The following SLC28A3 variants were observed in gnomAD, a reference collection of about 807,000 sequenced individuals.
The protein encoded by SLC28A3 is concentrative Na(+)-nucleoside cotransporter 3.
A neutral mutation model predicts 84.2 loss-of-function variants in SLC28A3; 68 were observed. That is an observed-to-expected ratio of 0.81 (90% CI 0.66 to 0.99). The LOEUF (loss-of-function observed/expected upper bound fraction) is 0.99. Ranked by LOEUF, SLC28A3 falls within the 50% of genes least tolerant of loss-of-function variation. SLC28A3 has a pLI of 0.00. For missense variants in SLC28A3, 712 were observed against 841.5 expected, an observed-to-expected ratio of 0.85 and a Z score of 1.90; for synonymous variants, 267 against 303.6, an observed-to-expected ratio of 0.88 and a Z score of 1.25.
intron 3 of SLC28A3, among the ~76,000 whole-genome samples, chr9:84,309,037 A>G (rs1461876904): frequency 6.6e-6 from 1 of 152,176 alleles, no homozygotes; most frequent in Non-Finnish European, 1.5e-5. Flanking sequence ...TTATTTGGTA[A>G]TTTACACTTT....
In SLC28A3 at chr9:84,278,151, T is replaced by G; in HGVS notation, c.*67A>C. 6.5e-7 allele frequency: 1 copy of G among 1,542,204 alleles called. No individual in the cohort carries two copies. The highest frequency in any genetic ancestry group is 8.7e-7 in the Non-Finnish European group (1 of 1,144,232). On this transcript the variant is annotated 3_prime_UTR_variant, in exon 18 of 18. Coordinates refer to ENST00000376238, the MANE Select transcript of SLC28A3 (RefSeq NM_001199633.2). ...CAATCTGTGGACAATAGCTTCTTTT[T>G]TTTTTCTTTCCAAAGCAGAAAATTC...
chr9:84,335,398 C>A (rs541459138), intron 1 of SLC28A3, among the ~76,000 whole-genome samples: 3 of 152,084 alleles, frequency 2.0e-5, no homozygotes, highest in African/African-American at 7.2e-5. Context: ...AATAAAAAAA[C>A]TTAGCCAGTT....
intron 16 of SLC28A3, 62 bp downstream of exon 16, chr9:84,279,913 C>T: frequency 6.5e-7 from 1 of 1,528,574 alleles, no homozygotes; most frequent in Non-Finnish European, 9.0e-7. Context: ...GGAGGCACTG[C>T]CTGTCCTGAA....
At chr9:84,319,469 A>C (rs1826289297) in intron 1 of SLC28A3, among the ~76,000 whole-genome samples, 1 of 152,166 alleles carries the variant, frequency 6.6e-6, no homozygotes, top group Non-Finnish European at 1.5e-5. Flanking sequence ...GTTTGAGACC[A>C]GGTTGAGCAA....
chr9:84,326,055 TTGTGCTTTTGTC>T (rs1826537573), intron 1 of SLC28A3, among the ~76,000 whole-genome samples: 1 of 152,140 alleles, frequency 6.6e-6, no homozygotes, highest in South Asian at 2.1e-4. Flanking sequence ...GGAAATCGTG[TTGTGCTTTTGTC>T]TGCATGTATC....
At chr9:84,298,043 T>C (rs373909553) in intron 6 of SLC28A3, 24 bp from the exon 7 acceptor site, 1 of 1,580,796 alleles carries the variant, frequency 6.3e-7, no homozygotes, top group Non-Finnish European at 8.6e-7. Context: ...TCAAGTGATA[T>C]GTCTTAGTAG....
In SLC28A3 at chr9:84,313,305, T is replaced by C. The variant is rs1826053041; in HGVS notation, c.156+54A>G. 4.6e-6 allele frequency: 7 copies of C among 1,512,638 alleles called. 1 individual carries two copies. The South Asian group carries it at 5.8e-5, about 12-fold the overall frequency. The allele number at this position is 1,512,638 out of a possible 1,614,324, so 93.7% of individuals were successfully genotyped here. ...TCTGTGCCCACTGTTCTCAGGTGCC[T>C]GTTGCGCAGCGGCTGCCATGGTACT... is the stretch of plus-strand genomic sequence containing the variant. On this transcript the variant is annotated intron_variant, in intron 2 of 17. Coordinates refer to ENST00000376238, the MANE Select transcript of SLC28A3 (RefSeq NM_001199633.2).
At chr9:84,297,336 A>G (rs1357766829) in intron 7 of SLC28A3, 38 bp from the exon 8 acceptor site, 1 of 1,531,380 alleles carries the variant, frequency 6.5e-7, no homozygotes, top group Non-Finnish European at 9.0e-7. Context: ...CATTCCAACC[A>G]CATGACTGGA....
At chr9:84,309,591 A>C in intron 3 of SLC28A3, 38 bp downstream of exon 3, 1 of 1,235,948 alleles carries the variant, frequency 8.1e-7, no homozygotes, top group Non-Finnish European at 1.2e-6. Context: ...ACCAAACGGG[A>C]GGTAGGCTTG....
chr9:84,297,374 C>T lies in SLC28A3; in HGVS notation c.784-76G>A, dbSNP rs150758325. 318 of 1,207,902 alleles carry T rather than the reference C, an allele frequency of 2.6e-4. 3 individuals carry two copies. The East Asian group carries it at 7.2e-3, about 27-fold the overall frequency. The allele number at this position is 1,207,902 out of a possible 1,614,324, so 74.8% of individuals were successfully genotyped here. Reference sequence around the variant, plus strand: ...TTAGACAGTGCACAGGAATGCTAGGCTCTCAGAGGACGGACCCAGCAAATG... The same window carrying T: ...TTAGACAGTGCACAGGAATGCTAGGTTCTCAGAGGACGGACCCAGCAAATG... On this transcript the variant is annotated intron_variant, in intron 7 of 17. Coordinates refer to ENST00000376238, the MANE Select transcript of SLC28A3 (RefSeq NM_001199633.2).
At chr9:84,368,385 T>C in the SLC28A3 span, among the ~76,000 whole-genome samples, 2 of 152,286 alleles carry the variant, frequency 1.3e-5, no homozygotes, top group Non-Finnish European at 2.9e-5. Context: ...TTCTTATGTC[T>C]TTCTTTTACT....
chr9:84,332,687 T>A (rs1226336336), intron 1 of SLC28A3, among the ~76,000 whole-genome samples: 5 of 152,160 alleles, frequency 3.3e-5, no homozygotes, highest in Non-Finnish European at 7.3e-5. Flanking sequence ...ATCTATTTCT[T>A]TAATAAAAAC....
chr9:84,357,647 C>T, the SLC28A3 span, among the ~76,000 whole-genome samples: 1 of 152,018 alleles, frequency 6.6e-6, no homozygotes, highest in African/African-American at 2.4e-5. Flanking sequence ...GGGTGAGCCC[C>T]AGGCAGCACT....
the SLC28A3 span, among the ~76,000 whole-genome samples, chr9:84,362,575 T>TG: frequency 6.6e-6 from 1 of 151,666 alleles, no homozygotes; most frequent in East Asian, 1.9e-4. Flanking sequence ...GAGATTGCAG[T>TG]GAGCCGAGAT....
upstream of SLC28A3, among the ~76,000 whole-genome samples, chr9:84,343,120 G>A (rs750668974): frequency 2.0e-5 from 3 of 151,908 alleles, no homozygotes; most frequent in Non-Finnish European, 2.9e-5. Context: ...TCGAGTGGAG[G>A]TTGTGGTGAG....
At chr9:84,313,963 G>A (rs942726843) in intron 1 of SLC28A3, among the ~76,000 whole-genome samples, 1 of 152,008 alleles carries the variant, frequency 6.6e-6, no homozygotes, top group African/African-American at 2.4e-5. Flanking sequence ...CAGGGGAAGA[G>A]AGGAATGAGG....
intron 6 of SLC28A3, among the ~76,000 whole-genome samples, chr9:84,298,289 C>A (rs1202536566): frequency 6.6e-6 from 1 of 152,114 alleles, no homozygotes; most frequent in African/African-American, 2.4e-5. Context: ...GAGTTTGAGA[C>A]CAGCCTGGCC....
At chr9:84,348,063 A>G in the SLC28A3 span, among the ~76,000 whole-genome samples, 1 of 152,182 alleles carries the variant, frequency 6.6e-6, no homozygotes, top group Non-Finnish European at 1.5e-5. Context: ...GACCAAGTGC[A>G]GGGTTGGCAC....
At chr9:84,329,540 C>T (rs1826696710) in intron 1 of SLC28A3, among the ~76,000 whole-genome samples, 1 of 151,958 alleles carries the variant, frequency 6.6e-6, no homozygotes, top group South Asian at 2.1e-4. Flanking sequence ...TTGGGGAAAA[C>T]TTATAAATTA....
Sources: gnomAD v4.1 joint callset for allele counts (sites outside exome capture counted in the v4.1 genomes callset) on GRCh38, gnomAD v4.1.1 for gene constraint, MANE v1.5 for transcripts, NCBI Gene and HGNC (gene_info 2026-07-23, HGNC 2026-07-21) for gene names.